RASA1: variants seen among roughly 807,000 people sequenced by gnomAD.
The protein encoded by RASA1 is ras GTPase-activating protein 1.
Under a neutral mutation model 132.2 loss-of-function variants are expected in RASA1, and 25 were observed. The observed-to-expected ratio is 0.19, with a 90% CI of 0.14 to 0.26. The LOEUF is 0.26. Ranked by LOEUF, RASA1 falls within the 10% of genes least tolerant of loss-of-function variation. The pLI is 1.00. For missense variants in RASA1, 964 were observed against 1,299.2 expected, an observed-to-expected ratio of 0.74 and a Z score of 3.97; for synonymous variants, 477 against 449.9, an observed-to-expected ratio of 1.06 and a Z score of -0.76.
chr5:87,276,465 T>G (rs1183633645), intron 1 of RASA1, among the ~76,000 whole-genome samples: 1 of 152,160 alleles, frequency 6.6e-6, no homozygotes, highest in Non-Finnish European at 1.5e-5. Flanking sequence ...TATGATGATT[T>G]TAGGTGTTTT....
intron 1 of RASA1, among the ~76,000 whole-genome samples, chr5:87,306,678 G>A (rs1755628583): frequency 6.6e-6 from 1 of 151,768 alleles, no homozygotes; most frequent in African/African-American, 2.4e-5. Context: ...GCCTAGATGT[G>A]GCCTTTTTTT....
In RASA1 at chr5:87,273,812, C is replaced by G. The variant is rs544722150; in HGVS notation, c.539+4822C>G. Reference sequence around the variant, plus strand: ...TCCCGGATTCAGGTGATTCTCCTGCCTCTGCCTCCCCAGTAGCCGGGGTTA... The same window carrying G: ...TCCCGGATTCAGGTGATTCTCCTGCGTCTGCCTCCCCAGTAGCCGGGGTTA... On this transcript the variant is annotated intron_variant, in intron 1 of 24. Transcript: ENST00000274376. Among the ~76,000 whole-genome samples the G allele has an allele frequency of 1.6e-3, 237 of 151,838 alleles. 1 individual carries two copies. Among genetic ancestry groups the G allele is most frequent in the Non-Finnish European group, 2.3e-3 (154 of 67,918 alleles).
At chr5:87,329,509 T>A (rs1757460697) in intron 1 of RASA1, among the ~76,000 whole-genome samples, 1 of 152,078 alleles carries the variant, frequency 6.6e-6, no homozygotes, top group East Asian at 1.9e-4. Flanking sequence ...AAATCATAAG[T>A]TGGATATTTC....
At chr5:87,350,515 A>G (rs1759185725) in intron 8 of RASA1, among the ~76,000 whole-genome samples, 1 of 151,556 alleles carries the variant, frequency 6.6e-6, no homozygotes, top group Non-Finnish European at 1.5e-5. Flanking sequence ...TATTTTTTTG[A>G]AGTTCGTTTT....
chr5:87,307,773 G>C (rs748602208), intron 1 of RASA1, among the ~76,000 whole-genome samples: 1 of 151,818 alleles, frequency 6.6e-6, no homozygotes, highest in Non-Finnish European at 1.5e-5. Flanking sequence ...TTTTCCTGAA[G>C]TTTTATATCT....
At chr5:87,366,326 A>G (rs1187032770) in intron 11 of RASA1, 3 of 392,324 alleles carry the variant, frequency 7.6e-6, no homozygotes, top group Non-Finnish European at 1.0e-5. Flanking sequence ...CTTTAGCATT[A>G]TTTTGATATA....
At chr5:87,379,130 T>G (rs912841283) in intron 18 of RASA1, among the ~76,000 whole-genome samples, 2 of 152,206 alleles carry the variant, frequency 1.3e-5, no homozygotes, top group Non-Finnish European at 2.9e-5. Flanking sequence ...TTTTTGACAA[T>G]GGACACTGGG....
At chr5:87,385,001 G>A (rs1160004406) in intron 21 of RASA1, among the ~76,000 whole-genome samples, 1 of 152,016 alleles carries the variant, frequency 6.6e-6, no homozygotes, top group East Asian at 1.9e-4. Flanking sequence ...TAAAGGTAAA[G>A]CTTTGAGGTC....
intron 1 of RASA1, among the ~76,000 whole-genome samples, chr5:87,287,085 C>CGT (rs1554040609): frequency 2.1e-5 from 3 of 139,698 alleles, no homozygotes; most frequent in African/African-American, 8.1e-5. Context: ...ATATACACAC[C>CGT]ATATATATAC....
intron 11 of RASA1, among the ~76,000 whole-genome samples, chr5:87,365,550 A>G: frequency 6.6e-6 from 1 of 152,248 alleles, no homozygotes; most frequent in East Asian, 1.9e-4. Flanking sequence ...CGTAAAATAT[A>G]TAAGGAGGTT....
chr5:87,337,868 A>AT, intron 4 of RASA1, 106 bp from the exon 5 acceptor site: 1 of 1,224,578 alleles, frequency 8.2e-7, no homozygotes, highest in Non-Finnish European at 1.1e-6. Flanking sequence ...AATTCCTTAC[A>AT]TTTTTCAATA....
intron 1 of RASA1, among the ~76,000 whole-genome samples, chr5:87,307,288 C>T (rs1365893659): frequency 6.6e-6 from 1 of 152,036 alleles, no homozygotes; most frequent in Non-Finnish European, 1.5e-5. Flanking sequence ...TCCTTGTTTT[C>T]TTTTTATGCT....
chr5:87,338,536 A>ATATATATATATATATTTT lies in RASA1; in HGVS notation c.1017+446_1017+447insATATATATATATATTTTT. On this transcript the variant is annotated intron_variant, in intron 5 of 24. Coordinates refer to ENST00000274376, the MANE Select transcript of RASA1 (RefSeq NM_002890.3). The stretch of plus-strand genomic sequence containing the variant: ...ATATATATATATATATATATATAAA[A>ATATATATATATATATTTT]TTTTTTTTTTTTTTAAGTAGAAATG... Among the ~76,000 whole-genome samples, 27 of 85,208 alleles carry ATATATATATATATATTTT rather than the reference A, an allele frequency of 3.2e-4. 1 individual carries two copies. The highest frequency in any genetic ancestry group is 1.5e-3 in the East Asian group (3 of 2,026). 55.9% of individuals were successfully genotyped at this position (85,208 alleles called of 152,430 possible).
intron 1 of RASA1, chr5:87,269,410 G>A: frequency 8.6e-7 from 1 of 1,156,740 alleles, no homozygotes; most frequent in Non-Finnish European, 1.2e-6. Flanking sequence ...GTGTTTAAAC[G>A]AGTACTATAG....
chr5:87,344,482 C>T (rs1015530886), intron 6 of RASA1, among the ~76,000 whole-genome samples: 4 of 151,936 alleles, frequency 2.6e-5, no homozygotes, highest in Non-Finnish European at 4.4e-5. Context: ...TCCTAATCTC[C>T]AGCATGTAGG....
chr5:87,316,781 T>C (rs1756374299), intron 1 of RASA1, among the ~76,000 whole-genome samples: 1 of 152,226 alleles, frequency 6.6e-6, no homozygotes, highest in Admixed American at 6.5e-5. Flanking sequence ...CACTGATTTC[T>C]TCTTGCATGT....
intron 1 of RASA1, among the ~76,000 whole-genome samples, chr5:87,271,465 T>G (rs1376570313): frequency 8.0e-6 from 1 of 124,444 alleles, no homozygotes; most frequent in Admixed American, 8.0e-5. Context: ...TTTTTTTTTT[T>G]TTTTTTTTTT....
chr5:87,347,592 T>C (rs1433440807), intron 7 of RASA1, among the ~76,000 whole-genome samples: 1 of 152,044 alleles, frequency 6.6e-6, no homozygotes, highest in Non-Finnish European at 1.5e-5. Context: ...AGAGGTAATC[T>C]GAATTGTTTT....
intron 1 of RASA1, 67 bp from the exon 2 acceptor site, chr5:87,331,281 T>C (rs1012740929): frequency 1.4e-6 from 2 of 1,478,468 alleles, no homozygotes; most frequent in African/African-American, 1.4e-5. Context: ...TAGTATGTTT[T>C]TCAAGTGTCC....
Sources: allele counts gnomAD v4.1 joint callset (sites outside exome capture counted in the v4.1 genomes callset), GRCh38; gene constraint gnomAD v4.1.1; transcripts MANE v1.5; gene names NCBI Gene and HGNC (gene_info 2026-07-23, HGNC 2026-07-21).